The following STX2 variants were observed in gnomAD, a reference collection of about 807,000 sequenced individuals.
STX2 encodes syntaxin 2, also known as syntaxin-2.
In STX2, 27 loss-of-function variants were observed where a neutral mutation model predicts 40.6. The observed-to-expected ratio is 0.66, with a 90% CI of 0.49 to 0.92. The LOEUF is 0.92. Ranked by LOEUF, STX2 falls within the 40% of genes least tolerant of loss-of-function variation. STX2 has a pLI of 0.00. For missense variants in STX2, 328 were observed against 366.1 expected, an observed-to-expected ratio of 0.90 and a Z score of 0.85; for synonymous variants, 123 against 119.1, an observed-to-expected ratio of 1.03 and a Z score of -0.22.
intron 10 of STX2, 99 bp downstream of exon 10, chr12:130,795,896 G>T: frequency 7.1e-7 from 1 of 1,406,272 alleles, no homozygotes; most frequent in Non-Finnish European, 9.4e-7. Flanking sequence ...CTGCGTGGCT[G>T]GCAAGCTTTT....
At chr12:130,815,471 G>A (rs1593157889) in intron 3 of STX2, among the ~76,000 whole-genome samples, 1 of 152,234 alleles carries the variant, frequency 6.6e-6, no homozygotes, top group African/African-American at 2.4e-5. Flanking sequence ...CCAGATGCAC[G>A]CTGCTCACTC....
chr12:130,829,742 G>T (rs935715291), intron 1 of STX2, among the ~76,000 whole-genome samples: 4 of 152,186 alleles, frequency 2.6e-5, no homozygotes, highest in Non-Finnish European at 4.4e-5. Context: ...CAGCTGTGCG[G>T]TCTCAGAGGC....
At chr12:130,819,130 A>T (rs1451049671) in intron 3 of STX2, among the ~76,000 whole-genome samples, 4 of 152,158 alleles carry the variant, frequency 2.6e-5, no homozygotes, top group Non-Finnish European at 5.9e-5. Context: ...CCCGCCCAGG[A>T]CCGGCTGCCT....
chr12:130,795,892 G>T, intron 10 of STX2, 103 bp downstream of exon 10: 1 of 1,387,188 alleles, frequency 7.2e-7, no homozygotes, highest in African/African-American at 1.5e-5. Flanking sequence ...TGTACTGCGT[G>T]GCTGGCAAGC....
At chr12:130,817,528 A>C (rs1951907024) in intron 3 of STX2, among the ~76,000 whole-genome samples, 1 of 152,226 alleles carries the variant, frequency 6.6e-6, no homozygotes, top group South Asian at 2.1e-4. Context: ...AAACGGAGCA[A>C]GGATGCTACT....
intron 6 of STX2, among the ~76,000 whole-genome samples, chr12:130,806,111 A>G (rs543959809): frequency 1.3e-5 from 2 of 152,354 alleles, no homozygotes; most frequent in East Asian, 3.9e-4. Flanking sequence ...AACACACTGG[A>G]AAAGAGTATC....
At chr12:130,837,575 C>T (rs1318648007) in intron 1 of STX2, among the ~76,000 whole-genome samples, 1 of 152,156 alleles carries the variant, frequency 6.6e-6, no homozygotes, top group Non-Finnish European at 1.5e-5. Flanking sequence ...TGAGCCACTG[C>T]GACTGGCCTC....
At chr12:130,823,292 A>G (rs1952184210) in intron 2 of STX2, among the ~76,000 whole-genome samples, 1 of 152,228 alleles carries the variant, frequency 6.6e-6, no homozygotes, top group South Asian at 2.1e-4. Flanking sequence ...AGCCTGGGCA[A>G]CAGAGCAAGA....
At chr12:130,839,036 C>T in intron 1 of STX2, 34 bp downstream of exon 1, 1 of 1,324,760 alleles carries the variant, frequency 7.5e-7, no homozygotes, top group South Asian at 2.0e-5. Flanking sequence ...CCGCCCCGGC[C>T]GGGCCTGAAC....
chr12:130,800,319 G>A (rs77334332), intron 8 of STX2, among the ~76,000 whole-genome samples: 1 of 143,088 alleles, frequency 7.0e-6, no homozygotes, highest in Admixed American at 7.1e-5. Flanking sequence ...TTTTTTTTTG[G>A]AGACAGGGTC....
intron 10 of STX2, among the ~76,000 whole-genome samples, chr12:130,793,002 G>A (rs563344327): frequency 2.4e-4 from 37 of 152,346 alleles, no homozygotes; most frequent in South Asian, 2.3e-3. Flanking sequence ...GAGGCACCGC[G>A]CTGTAGGACT....
chr12:130,794,864 T>C (rs771435703), intron 10 of STX2, among the ~76,000 whole-genome samples: 2 of 152,194 alleles, frequency 1.3e-5, no homozygotes, highest in Non-Finnish European at 2.9e-5. Context: ...TGGGGATGAC[T>C]TGCCACACTC....
At chr12:130,818,666 A>G (rs74843427) in intron 3 of STX2, among the ~76,000 whole-genome samples, 53 of 89,540 alleles carry the variant, frequency 5.9e-4, no homozygotes, top group Non-Finnish European at 7.3e-4. Flanking sequence ...GATGGAGACG[A>G]TGGAGACGGT....
At chr12:130,825,086 G>C (rs1223117680) in intron 2 of STX2, among the ~76,000 whole-genome samples, 1 of 151,276 alleles carries the variant, frequency 6.6e-6, no homozygotes, top group Admixed American at 6.6e-5. Context: ...CCCCAAGCCG[G>C]GGTGCAGTGG....
chr12:130,809,672 C>T (rs1951573829), intron 4 of STX2, among the ~76,000 whole-genome samples: 2 of 152,090 alleles, frequency 1.3e-5, no homozygotes, highest in South Asian at 4.2e-4. Flanking sequence ...CAAAAATTAG[C>T]TGGGTGTGGT....
intron 3 of STX2, among the ~76,000 whole-genome samples, chr12:130,819,212 G>A (rs1464485039): frequency 2.0e-5 from 3 of 152,180 alleles, no homozygotes; most frequent in African/African-American, 4.8e-5. Context: ...CCTCCGGGAG[G>A]GCAGCAGCCC....
At chr12:130,816,122 T>C (rs1254943717) in intron 3 of STX2, among the ~76,000 whole-genome samples, 1 of 152,050 alleles carries the variant, frequency 6.6e-6, no homozygotes. Flanking sequence ...GGGCTGAGTG[T>C]AGGAGTCGAA....
chr12:130,813,123 T>A (rs1951723279), intron 3 of STX2, 92 bp from the exon 4 acceptor site: 1 of 802,582 alleles, frequency 1.2e-6, no homozygotes, highest in East Asian at 3.3e-5. Flanking sequence ...TGAAACAGTA[T>A]CCTTAGTAAA....
chr12:130,838,305 CCT>C (rs577597923), intron 1 of STX2, among the ~76,000 whole-genome samples: 144 of 152,356 alleles, frequency 9.5e-4, no homozygotes, highest in African/African-American at 3.3e-3. Context: ...CATGCACAGT[CCT>C]GTCACCTTTA....
Sources: gnomAD v4.1 joint callset for allele counts (sites outside exome capture counted in the v4.1 genomes callset) on GRCh38, gnomAD v4.1.1 for gene constraint, MANE v1.5 for transcripts, NCBI Gene and HGNC (gene_info 2026-07-23, HGNC 2026-07-21) for gene names.